DOCK10: variants seen among roughly 807,000 people sequenced by gnomAD.
DOCK10 encodes the protein dedicator of cytokinesis 10, also known as dedicator of cytokinesis protein 10.
DOCK10 carries 145 observed loss-of-function variants against 280.1 expected under a neutral mutation model. The observed-to-expected ratio is 0.52, with a 90% confidence interval of 0.45 to 0.59. The LOEUF is 0.59. DOCK10 is among the 20% of genes least tolerant of loss of function. The pLI, the probability that DOCK10 is intolerant of heterozygous loss-of-function variation, is 0.00. For synonymous variants in DOCK10, 915 were observed against 942.2 expected, an observed-to-expected ratio of 0.97 and a Z score of 0.53; for missense variants, 2,368 against 2,651.7, an observed-to-expected ratio of 0.89 and a Z score of 2.35.
At chr2:224,892,959 T>A (rs1440483585) in intron 4 of DOCK10, among the ~76,000 whole-genome samples, 1 of 152,226 alleles carries the variant, frequency 6.6e-6, no homozygotes, top group African/African-American at 2.4e-5. Context: ...CTATTGACTT[T>A]AAAATTCTTC....
At chr2:224,846,314 CGAATT>C (rs747031731) in intron 19 of DOCK10, among the ~76,000 whole-genome samples, 5 of 152,100 alleles carry the variant, frequency 3.3e-5, no homozygotes, top group Non-Finnish European at 7.4e-5. Flanking sequence ...TTAAGGGACA[CGAATT>C]GAATAAACAG....
chr2:224,808,524 T>C (rs1446793416), intron 31 of DOCK10, among the ~76,000 whole-genome samples: 2 of 151,904 alleles, frequency 1.3e-5, no homozygotes, highest in African/African-American at 4.8e-5. Context: ...GGAGAAGCGA[T>C]TGGATTTTCG....
At chr2:224,885,845 A>T (rs548143397) in intron 6 of DOCK10, 40 bp from the exon 7 acceptor site, 1 of 1,600,292 alleles carries the variant, frequency 6.2e-7, no homozygotes, top group Admixed American at 1.7e-5. Context: ...TTCAAATTGT[A>T]ATGTGCTATT....
At chr2:224,824,591 T>C (rs1694725138) in intron 27 of DOCK10, among the ~76,000 whole-genome samples, 1 of 151,836 alleles carries the variant, frequency 6.6e-6, no homozygotes, top group Non-Finnish European at 1.5e-5. Flanking sequence ...CGCCCTCCTG[T>C]AGTCCATACC....
At chr2:225,023,729 A>G (rs534448382) in intron 1 of DOCK10, among the ~76,000 whole-genome samples, 12 of 152,340 alleles carry the variant, frequency 7.9e-5, no homozygotes, top group African/African-American at 2.6e-4. Context: ...TGTTCTCAGA[A>G]GCATCATTGA....
intron 4 of DOCK10, chr2:224,893,588 A>G (rs990254273): frequency 2.4e-6 from 1 of 415,794 alleles, no homozygotes; most frequent in Non-Finnish European, 4.8e-6. Flanking sequence ...TAGTGTGTAA[A>G]GGCTTACATT....
chr2:224,856,030 A>G (rs1197623144), intron 15 of DOCK10, among the ~76,000 whole-genome samples: 2 of 152,190 alleles, frequency 1.3e-5, no homozygotes, highest in African/African-American at 2.4e-5. Context: ...CCCTATGTTC[A>G]GTGAAGCCTC....
intron 1 of DOCK10, among the ~76,000 whole-genome samples, chr2:225,034,606 T>C (rs555460264): frequency 6.6e-6 from 1 of 152,202 alleles, no homozygotes; most frequent in Admixed American, 6.5e-5. Context: ...CTGACTTTCC[T>C]TAAGCAACTA....
At chr2:224,971,463 T>C (rs1705076954) in intron 1 of DOCK10, among the ~76,000 whole-genome samples, 1 of 152,048 alleles carries the variant, frequency 6.6e-6, no homozygotes, top group South Asian at 2.1e-4. Context: ...TGGCTGGGCT[T>C]GCAGGGAAGG....
intron 44 of DOCK10, among the ~76,000 whole-genome samples, chr2:224,795,854 G>A (rs1692533619): frequency 6.6e-6 from 1 of 152,116 alleles, no homozygotes; most frequent in South Asian, 2.1e-4. Context: ...AATAGAGTTA[G>A]GAGTGTCATT....
rs763963605 is a variant in DOCK10, at chr2:224,876,032, T to C, written c.931+6A>G. On this transcript the variant is annotated splice_donor_region_variant and intron_variant, in intron 8 of 55. Coordinates refer to ENST00000258390, the MANE Select transcript of DOCK10 (RefSeq NM_014689.3). Reference sequence around the variant, plus strand: ...AAGGAAGGAAGACGGCTTCATATGCTCTCACCCAGACCCAGATCAGTGAGC... The same window carrying C: ...AAGGAAGGAAGACGGCTTCATATGCCCTCACCCAGACCCAGATCAGTGAGC... The C allele has an allele frequency of 6.2e-7, 1 of 1,609,434 alleles. No individual in the cohort carries two copies. The highest frequency in any genetic ancestry group is 8.5e-7 in the Non-Finnish European group (1 of 1,178,528).
intron 11 of DOCK10, among the ~76,000 whole-genome samples, chr2:224,871,245 G>A (rs1040469716): frequency 2.0e-5 from 3 of 152,032 alleles, no homozygotes; most frequent in Non-Finnish European, 4.4e-5. Flanking sequence ...TCTCCCTCCC[G>A]TGTTACCATT....
chr2:224,903,606 T>C (rs1342178735), intron 3 of DOCK10, among the ~76,000 whole-genome samples: 2 of 152,230 alleles, frequency 1.3e-5, no homozygotes, highest in African/African-American at 4.8e-5. Flanking sequence ...TGATGGATGG[T>C]ACTAAAACAC....
chr2:224,838,747 T>A (rs181498370), intron 24 of DOCK10, among the ~76,000 whole-genome samples: 23 of 152,226 alleles, frequency 1.5e-4, no homozygotes, highest in Middle Eastern at 6.8e-3. Context: ...CTAAATTTTT[T>A]AAAAAAATGA....
In DOCK10 at chr2:224,951,775, G is replaced by A. The variant is rs548974908; in HGVS notation, c.124-20107C>T. ...AACAGGGTGGTATCTCTTTCTGGAG[G>A]CTCCAGGGGAGAAGCTGTCTTCAGG... On this transcript the variant is annotated intron_variant, in intron 1 of 55. Coordinates refer to ENST00000258390, the MANE Select transcript of DOCK10 (RefSeq NM_014689.3). 1.5e-4 allele frequency among the ~76,000 whole-genome samples: 23 copies of A among 152,240 alleles called. No homozygotes were observed. The South Asian group carries it at 4.8e-3, about 32-fold the overall frequency.
chr2:225,014,084 G>T (rs58450870), intron 1 of DOCK10, among the ~76,000 whole-genome samples: 45,186 of 102,546 alleles, frequency 0.44, 9,498 homozygotes, highest in South Asian at 0.59. Context: ...TGAATATATT[G>T]TTTTTTTTTT....
chr2:224,797,412 G>C (rs1225739507), intron 42 of DOCK10, among the ~76,000 whole-genome samples: 1 of 151,998 alleles, frequency 6.6e-6, no homozygotes, highest in Admixed American at 6.6e-5. Flanking sequence ...ATAACAGTGA[G>C]AGCTTTGAAA....
intron 3 of DOCK10, among the ~76,000 whole-genome samples, chr2:224,911,841 G>T (rs1462701513): frequency 3.3e-5 from 5 of 152,152 alleles, no homozygotes; most frequent in Non-Finnish European, 7.3e-5. Flanking sequence ...TTATAAATCC[G>T]TTGTAGTTGG....
chr2:224,870,765 C>A (rs1414123272), intron 11 of DOCK10, among the ~76,000 whole-genome samples: 1 of 147,476 alleles, frequency 6.8e-6, no homozygotes, highest in African/African-American at 2.5e-5. Context: ...CAACCAACAT[C>A]ATTGTCTGAA....
Sources: allele counts gnomAD v4.1 joint callset (sites outside exome capture counted in the v4.1 genomes callset), GRCh38; gene constraint gnomAD v4.1.1; transcripts MANE v1.5; gene names NCBI Gene and HGNC (gene_info 2026-07-23, HGNC 2026-07-21).